The following ADGRF5 variants were observed in gnomAD, a reference collection of about 807,000 sequenced individuals.
The protein encoded by ADGRF5 is adhesion G protein-coupled receptor F5, also known as G-protein coupled receptor 116.
ADGRF5 carries 75 observed loss-of-function variants against 132.3 expected under a neutral mutation model. The observed-to-expected ratio is 0.57, with a 90% CI of 0.47 to 0.69. The LOEUF is 0.69. Ranked by LOEUF, ADGRF5 falls within the 30% of genes least tolerant of loss-of-function variation. ADGRF5 has a pLI of 0.00. For missense variants in ADGRF5, 1,516 were observed against 1,630.6 expected (o/e 0.93, Z 1.21); for synonymous variants, 629 against 597.6 (o/e 1.05, Z -0.77).
At position 46,860,912 on chromosome 6, in the gene ADGRF5, A is replaced by G. The variant is rs772423735; in HGVS notation, c.2200-18T>C. 6.4e-7 allele frequency: 1 copy of G among 1,564,934 alleles called. No homozygotes were observed. ...ATCAAAGCCTAGTAAAACAAAAGCC[A>G]ACACAAAAAAAAATTTACCAATCAA... On this transcript the variant is annotated intron_variant, in intron 15 of 20. Transcript: ENST00000283296.
rs1769287765 is a variant in ADGRF5 at position 46,858,274 on chromosome 6, T to G, written c.3629A>C (p.Glu1210Ala). 1 of 1,614,014 alleles carries G rather than the reference T, an allele frequency of 6.2e-7. No homozygotes were observed. The stretch of plus-strand genomic sequence containing the variant: ...GCTGATCTGAAACAGGCTGCTCTTC[T>G]CCTGCTTGCATGGCTTGTCTCCAAT... The part of the protein sequence containing the change: ...PSIGDKPCKQ[E>A]KSSLFQISKS... Residue 1210 changes from glutamate to alanine, a missense_variant, in exon 17 of 21, where the codon GAG becomes GCG. Transcript: ENST00000283296.
chr6:46,873,409 G>A (rs919815519), intron 10 of ADGRF5, among the ~76,000 whole-genome samples: 31 of 151,830 alleles, frequency 2.0e-4, no homozygotes, highest in East Asian at 1.9e-4. Flanking sequence ...CCCCTTTCCC[G>A]TATCCAGTGG....
intron 1 of ADGRF5, among the ~76,000 whole-genome samples, chr6:46,943,258 G>A (rs1213978532): frequency 6.6e-6 from 1 of 152,158 alleles, no homozygotes; most frequent in African/African-American, 2.4e-5. Context: ...GTTTTGTCAA[G>A]AGCAGCTGAG....
chr6:46,937,850 G>C (rs1048060053), intron 1 of ADGRF5, among the ~76,000 whole-genome samples: 5 of 152,130 alleles, frequency 3.3e-5, no homozygotes, highest in Admixed American at 3.3e-4. Flanking sequence ...TGGACAAAGC[G>C]ATGATTCACA....
At chr6:46,905,057 A>T (rs1364351517) in intron 2 of ADGRF5, among the ~76,000 whole-genome samples, 1 of 152,114 alleles carries the variant, frequency 6.6e-6, no homozygotes, top group Non-Finnish European at 1.5e-5. Context: ...GGCCATCACT[A>T]GGAGGGCAGA....
At chr6:46,879,245 T>C (rs1772173057) in intron 9 of ADGRF5, among the ~76,000 whole-genome samples, 1 of 151,702 alleles carries the variant, frequency 6.6e-6, no homozygotes, top group South Asian at 2.1e-4. Context: ...AAACAAATAA[T>C]GAAAATAATG....
upstream of ADGRF5, among the ~76,000 whole-genome samples, chr6:46,926,440 C>A (rs1777244437): frequency 6.6e-6 from 1 of 151,150 alleles, no homozygotes; most frequent in East Asian, 2.0e-4. Flanking sequence ...GCACTACCCC[C>A]TCTGCCATCT....
intron 1 of ADGRF5, among the ~76,000 whole-genome samples, chr6:46,914,605 T>C (rs1776266985): frequency 6.6e-6 from 1 of 152,108 alleles, no homozygotes; most frequent in Non-Finnish European, 1.5e-5. Context: ...GTGGGCGGCG[T>C]TGATAACCTT....
At chr6:46,943,823 A>G (rs1778193880) in intron 1 of ADGRF5, among the ~76,000 whole-genome samples, 1 of 152,176 alleles carries the variant, frequency 6.6e-6, no homozygotes, top group Admixed American at 6.5e-5. Flanking sequence ...GAAAGGTTAA[A>G]CATACGATGG....
chr6:46,927,009 C>T (rs549713962), intron 1 of ADGRF5, among the ~76,000 whole-genome samples: 46 of 152,146 alleles, frequency 3.0e-4, no homozygotes, highest in Non-Finnish European at 5.9e-4. Flanking sequence ...CGAGGCTGAT[C>T]TGCAAACATC....
At position 46,900,025 on chromosome 6, in the gene ADGRF5, A is replaced by T; in HGVS notation, c.157+4T>A. ...AAGGGATTGCCAAGCAAGAGTTTACATACCGGCTCGTTTTTGCCTCAGTGC... is the reference window on the plus strand; with the variant it reads ...AAGGGATTGCCAAGCAAGAGTTTACTTACCGGCTCGTTTTTGCCTCAGTGC... On this transcript the variant is annotated splice_donor_region_variant and intron_variant, in intron 3 of 20. Transcript: ENST00000283296. The T allele has an allele frequency of 6.2e-7, 1 of 1,602,552 alleles. No individual in the cohort carries two copies. The highest frequency in any genetic ancestry group is 8.6e-7 in the Non-Finnish European group (1 of 1,169,422).
At chr6:46,900,886 A>T (rs1344342657) in intron 2 of ADGRF5, among the ~76,000 whole-genome samples, 1 of 152,206 alleles carries the variant, frequency 6.6e-6, no homozygotes, top group Non-Finnish European at 1.5e-5. Flanking sequence ...CATTGAGTTC[A>T]AATCCTAGCT....
chr6:46,888,302 C>A (rs769524792), intron 4 of ADGRF5, 33 bp downstream of exon 4: 4 of 1,483,942 alleles, frequency 2.7e-6, no homozygotes, highest in South Asian at 1.1e-5. Flanking sequence ...GACATCCAAT[C>A]ATTTATTCTG....
intron 3 of ADGRF5, among the ~76,000 whole-genome samples, chr6:46,894,899 C>A (rs898856406): frequency 6.6e-6 from 1 of 152,148 alleles, no homozygotes; most frequent in Non-Finnish European, 1.5e-5. Context: ...ACATTAAGGG[C>A]CTGGTGTGGA....
intron 3 of ADGRF5, among the ~76,000 whole-genome samples, chr6:46,889,564 GTGTGTA>G (rs1195257383): frequency 1.3e-4 from 11 of 81,488 alleles, no homozygotes; most frequent in East Asian, 3.7e-4. Flanking sequence ...GTGTGTGTGT[GTGTGTA>G]TATATATATA....
chr6:46,863,325 G>T (rs1226314698), intron 14 of ADGRF5: 5 of 611,042 alleles, frequency 8.2e-6, no homozygotes, highest in South Asian at 7.6e-5. Flanking sequence ...TTTCCTAACA[G>T]AATTTTATAC....
At chr6:46,903,366 G>A (rs1774975048) in intron 2 of ADGRF5, 1 of 152,192 alleles carries the variant, frequency 6.6e-6, no homozygotes, top group Non-Finnish European at 1.5e-5. Flanking sequence ...CTGTCCAGAG[G>A]GAATTTCCTG....
At chr6:46,901,973 C>T (rs1441953174) in intron 2 of ADGRF5, among the ~76,000 whole-genome samples, 1 of 152,068 alleles carries the variant, frequency 6.6e-6, no homozygotes, top group African/African-American at 2.4e-5. Context: ...GTATTAAAGT[C>T]AATAGGAAAT....
chr6:46,866,002 G>A (rs1770371780), intron 13 of ADGRF5, among the ~76,000 whole-genome samples: 1 of 13,006 alleles, frequency 7.7e-5, no homozygotes, highest in Non-Finnish European at 2.2e-4. Context: ...TCTGTGTTTT[G>A]AGATTTTTGG....
Sources: allele counts gnomAD v4.1 joint callset (sites outside exome capture counted in the v4.1 genomes callset), GRCh38; gene constraint gnomAD v4.1.1; transcripts MANE v1.5; gene names NCBI Gene and HGNC (gene_info 2026-07-23, HGNC 2026-07-21).